MFSD8: variants seen among roughly 807,000 people sequenced by gnomAD.
MFSD8 encodes the protein major facilitator superfamily domain-containing protein 8.
Under a neutral mutation model 66.4 loss-of-function variants are expected in MFSD8, and 55 were observed. The observed-to-expected ratio is 0.83, with a 90% CI of 0.67 to 1.04. MFSD8 has a LOEUF of 1.04. Among genes scored for constraint, MFSD8 ranks in the 50% least tolerant of loss-of-function variants. MFSD8 has a pLI of 0.00. For synonymous variants in MFSD8, 202 were observed against 212.8 expected (o/e 0.95, Z 0.44); for missense variants, 550 against 627.6 (o/e 0.88, Z 1.32).
At chr4:127,936,392 G>A (rs1352200692) in intron 7 of MFSD8, among the ~76,000 whole-genome samples, 2 of 152,002 alleles carry the variant, frequency 1.3e-5, no homozygotes, top group African/African-American at 2.4e-5. Context: ...TGGGATTACA[G>A]GCATGAGCCA....
At chr4:127,948,388 T>A (rs1741426484) in intron 3 of MFSD8, among the ~76,000 whole-genome samples, 1 of 152,116 alleles carries the variant, frequency 6.6e-6, no homozygotes, top group Non-Finnish European at 1.5e-5. Context: ...ACCCCAAAAT[T>A]ATGCCAGTGT....
At chr4:127,930,222 A>C (rs1282096720) in intron 9 of MFSD8, among the ~76,000 whole-genome samples, 3 of 152,170 alleles carry the variant, frequency 2.0e-5, no homozygotes, top group Non-Finnish European at 2.9e-5. Flanking sequence ...TATGGGTAAC[A>C]ATACGAGACC....
chr4:127,964,444 G>A (rs1744579523), intron 1 of MFSD8, among the ~76,000 whole-genome samples: 1 of 152,230 alleles, frequency 6.6e-6, no homozygotes, highest in Non-Finnish European at 1.5e-5. Flanking sequence ...GGCACTGCTG[G>A]GGGACCCAGC....
In MFSD8 at chr4:127,957,561, A is replaced by G; in HGVS notation, c.94T>C (p.Tyr32His). Residue 32 changes from tyrosine to histidine, a missense_variant, in exon 2 of 12, where the codon TAT (tyrosine) becomes CAT (histidine). Coordinates refer to ENST00000641686, the MANE Select transcript of MFSD8 (RefSeq NM_001371596.2). ...CTAATAGATCTCCATCGGCTCTTATAATGCTCTTCAGTCTCTAAAATGTCC... is the reference window on the plus strand; with the variant it reads ...CTAATAGATCTCCATCGGCTCTTATGATGCTCTTCAGTCTCTAAAATGTCC... ...EWDILETEEH[Y>H]KSRWRSIRIL... 3.1e-6 allele frequency: 5 copies of G among 1,611,902 alleles called. No individual in the cohort carries two copies. The highest frequency in any genetic ancestry group is 1.3e-5 in the African/African-American group (1 of 75,026).
In MFSD8 at chr4:127,920,735, T is replaced by G; in HGVS notation, c.1452A>C (p.Ala484=). 6.2e-7 allele frequency: 1 copy of G among 1,614,094 alleles called. No homozygotes were observed. Residue 484 remains alanine (A), a synonymous_variant, in exon 12 of 12, where the codon GCA becomes GCC. Coordinates refer to ENST00000641686, the MANE Select transcript of MFSD8 (RefSeq NM_001371596.2). ...CTATTATTCCACACACCAGGCTGAA[T>G]GCCCATCGTGGTCCCCAGTGAGCAT... ...QVYAHWGPRW[A]FSLVCGIIVL...
At chr4:127,959,523 G>A (rs909202020) in intron 1 of MFSD8, among the ~76,000 whole-genome samples, 3 of 152,106 alleles carry the variant, frequency 2.0e-5, no homozygotes, top group Admixed American at 6.6e-5. Flanking sequence ...ATGGAGTTGC[G>A]TAAAAGAATT....
At chr4:127,942,385 G>C (rs1185122105) in intron 4 of MFSD8, among the ~76,000 whole-genome samples, 2 of 152,038 alleles carry the variant, frequency 1.3e-5, no homozygotes, top group Non-Finnish European at 2.9e-5. Context: ...ATATCAATGA[G>C]TGAAAAAATG....
At chr4:127,956,992 C>A (rs1017160182) in intron 2 of MFSD8, among the ~76,000 whole-genome samples, 2 of 151,896 alleles carry the variant, frequency 1.3e-5, no homozygotes, top group African/African-American at 2.4e-5. Flanking sequence ...GTTAGTCTTT[C>A]TTTTGTCAGC....
chr4:127,940,531 T>C (rs576395883), intron 5 of MFSD8, among the ~76,000 whole-genome samples: 1 of 145,592 alleles, frequency 6.9e-6, no homozygotes, highest in East Asian at 2.0e-4. Flanking sequence ...TATATATATA[T>C]ATATATATGT....
At chr4:127,965,629 TA>T (rs1175134226), upstream of MFSD8, 4 of 216,826 alleles carry the variant, frequency 1.8e-5, no homozygotes, top group East Asian at 4.9e-4. Context: ...TCCGGTTAAG[TA>T]GTAGGTGCGC....
intron 3 of MFSD8, among the ~76,000 whole-genome samples, chr4:127,947,837 G>A (rs1741308233): frequency 6.9e-6 from 1 of 145,348 alleles, no homozygotes; most frequent in Non-Finnish European, 1.5e-5. Flanking sequence ...TCAGAATCTA[G>A]GATAAAACAC....
At chr4:127,938,166 G>T (rs1452174229) in intron 7 of MFSD8, among the ~76,000 whole-genome samples, 1 of 152,146 alleles carries the variant, frequency 6.6e-6, no homozygotes, top group Non-Finnish European at 1.5e-5. Context: ...TGGTAGTAAA[G>T]ATATGGAAAT....
intron 9 of MFSD8, among the ~76,000 whole-genome samples, chr4:127,922,862 T>C (rs767064013): frequency 2.6e-5 from 4 of 152,182 alleles, no homozygotes; most frequent in East Asian, 1.9e-4. Flanking sequence ...CAGAATTTTG[T>C]AATGATTCAT....
intron 4 of MFSD8, among the ~76,000 whole-genome samples, chr4:127,942,469 T>G (rs1331947796): frequency 1.4e-4 from 21 of 151,698 alleles, no homozygotes; most frequent in Admixed American, 1.4e-3. Flanking sequence ...TTGAGGTAGG[T>G]GGATCATTTT....
At position 127,933,074 on chromosome 4, in the gene MFSD8, C is replaced by T. The variant is rs773465316; in HGVS notation, c.774G>A (p.Gln258=). Residue 258 remains glutamine, a synonymous_variant, in exon 8 of 12, where the codon CAG becomes CAA. Coordinates refer to ENST00000641686, the MANE Select transcript of MFSD8 (RefSeq NM_001371596.2). ...NFEEASTDEA[Q]VPQGNIDQVA... Reference sequence around the variant, plus strand: ...CCTGGTCAATATTTCCTTGGGGAACCTGAGCTTCATCTGTACTTGCTATAG... The same window carrying T: ...CCTGGTCAATATTTCCTTGGGGAACTTGAGCTTCATCTGTACTTGCTATAG... The T allele has an allele frequency of 9.9e-6, 16 of 1,613,682 alleles. No homozygotes were observed. Among genetic ancestry groups the T allele is most frequent in the Non-Finnish European group, 1.2e-5 (14 of 1,179,774 alleles).
At chr4:127,955,018 G>A (rs1347842152) in intron 2 of MFSD8, among the ~76,000 whole-genome samples, 1 of 152,182 alleles carries the variant, frequency 6.6e-6, no homozygotes, top group Non-Finnish European at 1.5e-5. Context: ...GACTGTTGTT[G>A]AGAATGTAAA....
intron 2 of MFSD8, among the ~76,000 whole-genome samples, chr4:127,952,890 AAT>A (rs1177969377): frequency 3.7e-4 from 56 of 152,080 alleles, no homozygotes; most frequent in African/African-American, 1.3e-3. Flanking sequence ...AAAAAAAAAA[AAT>A]CTAAAGTTAA....
chr4:127,959,783 TA>T (rs1200859067), intron 1 of MFSD8, among the ~76,000 whole-genome samples: 4 of 152,222 alleles, frequency 2.6e-5, no homozygotes, highest in Non-Finnish European at 5.9e-5. Context: ...CTTTTTTAAT[TA>T]AAAAAGTATA....
intron 7 of MFSD8, among the ~76,000 whole-genome samples, 195 bp downstream of exon 7, chr4:127,938,588 A>T (rs1374676998): frequency 5.9e-4 from 81 of 136,778 alleles, no homozygotes; most frequent in African/African-American, 9.0e-4. Flanking sequence ...GTCTCAAAAA[A>T]AAAAAAATAA....
Sources: allele counts gnomAD v4.1 joint callset (sites outside exome capture counted in the v4.1 genomes callset), GRCh38; gene constraint gnomAD v4.1.1; transcripts MANE v1.5; gene names NCBI Gene and HGNC (gene_info 2026-07-23, HGNC 2026-07-21).